The following DACH2 variants were observed in gnomAD, a reference collection of about 807,000 sequenced individuals.
DACH2 encodes the protein dachshund family transcription factor 2, also known as dachshund homolog 2.
Under a neutral mutation model 35.8 loss-of-function variants are expected in DACH2, and 17 were observed. The observed-to-expected ratio is 0.48, with a 90% CI of 0.33 to 0.71. The LOEUF is 0.71. DACH2 is among the 30% of genes least tolerant of loss of function. DACH2 has a pLI of 0.02. For missense variants in DACH2, 469 were observed against 472.7 expected (o/e 0.99, Z 0.07); for synonymous variants, 195 against 177.3 (o/e 1.10, Z -0.79).
At chrX:86,729,489 C>T (rs2041508339) in intron 6 of DACH2, among the ~76,000 whole-genome samples, 3 of 111,597 alleles carry the variant, frequency 2.7e-5, no homozygotes, top group Non-Finnish European at 3.8e-5. Flanking sequence ...CAAACCAAGA[C>T]TTTTGGGGAC....
At chrX:86,592,268 A>C (rs1207300340) in intron 3 of DACH2, among the ~76,000 whole-genome samples, 1 of 111,725 alleles carries the variant, frequency 9.0e-6, no homozygotes, top group Non-Finnish European at 1.9e-5. Flanking sequence ...ATCATTTGTT[A>C]AAAAGATTAT....
intron 6 of DACH2, among the ~76,000 whole-genome samples, chrX:86,720,231 C>G (rs2041388620): frequency 9.0e-6 from 1 of 110,787 alleles, no homozygotes; most frequent in Non-Finnish European, 1.9e-5. Context: ...GCCACTGCAC[C>G]TGGCCTAGTC....
chrX:86,615,087 A>G, intron 3 of DACH2, among the ~76,000 whole-genome samples: 1 of 111,604 alleles, frequency 9.0e-6, no homozygotes, highest in East Asian at 2.8e-4. Flanking sequence ...ACCCACTCTT[A>G]TTAGTCTTTT....
At chrX:86,732,277 C>A (rs776842789) in intron 6 of DACH2, among the ~76,000 whole-genome samples, 52 of 112,114 alleles carry the variant, frequency 4.6e-4, no homozygotes, top group Admixed American at 3.5e-3. Context: ...GCTTATTGTG[C>A]TATTGTCTTC....
chrX:86,567,665 G>A (rs780264841), intron 3 of DACH2, among the ~76,000 whole-genome samples: 1 of 111,514 alleles, frequency 9.0e-6, no homozygotes, highest in African/African-American at 3.2e-5. Context: ...TATTGTAGGT[G>A]TCCGGTAAAT....
chrX:86,458,907 A>G (rs2037520537), intron 2 of DACH2, among the ~76,000 whole-genome samples: 1 of 110,381 alleles, frequency 9.1e-6, no homozygotes, highest in Non-Finnish European at 1.9e-5. Flanking sequence ...ATTAGGAGAA[A>G]TACCTAATGT....
intron 2 of DACH2, among the ~76,000 whole-genome samples, chrX:86,484,028 A>G (rs2037983583): frequency 9.0e-6 from 1 of 111,151 alleles, no homozygotes; most frequent in South Asian, 3.8e-4. Context: ...TTTTTTATTT[A>G]CTCATATGTG....
At chrX:86,231,574 T>C (rs2032949576) in intron 1 of DACH2, among the ~76,000 whole-genome samples, 1 of 111,303 alleles carries the variant, frequency 9.0e-6, no homozygotes, top group African/African-American at 3.3e-5. Context: ...ACCGAAGGCC[T>C]GGTCTCACTC....
chrX:86,553,671 G>T (rs2039079946), intron 3 of DACH2, among the ~76,000 whole-genome samples: 1 of 111,701 alleles, frequency 9.0e-6, no homozygotes, highest in East Asian at 2.8e-4. Context: ...TAGGTAGGTA[G>T]GAAAGTTTTG....
At chrX:86,290,866 A>G (rs1378948208) in intron 1 of DACH2, among the ~76,000 whole-genome samples, 4 of 105,116 alleles carry the variant, frequency 3.8e-5, no homozygotes, top group Admixed American at 3.1e-4. Context: ...TGATGCCTCC[A>G]GCTTTGTTCT....
chrX:86,564,937 T>C (rs1430612267), intron 3 of DACH2, among the ~76,000 whole-genome samples: 1 of 111,418 alleles, frequency 9.0e-6, no homozygotes, highest in Non-Finnish European at 1.9e-5. Flanking sequence ...CTTAGACTGC[T>C]GCACAAATCT....
intron 1 of DACH2, among the ~76,000 whole-genome samples, chrX:86,224,598 G>A (rs941014477): frequency 1.9e-5 from 2 of 106,475 alleles, no homozygotes; most frequent in African/African-American, 3.8e-5. Flanking sequence ...AATCAGGATT[G>A]TTCTTATATT....
At chrX:86,580,191 C>G (rs1283235171) in intron 3 of DACH2, among the ~76,000 whole-genome samples, 1 of 111,570 alleles carries the variant, frequency 9.0e-6, no homozygotes, top group African/African-American at 3.3e-5. Context: ...AAATCAAACC[C>G]CCAAGGGCAT....
intron 6 of DACH2, 59 bp from the exon 7 acceptor site, chrX:86,739,688 A>C: frequency 1.7e-6 from 2 of 1,155,228 alleles, no homozygotes; most frequent in Non-Finnish European, 2.3e-6. Context: ...TAGAGACTCA[A>C]CCAACATAAA....
At chrX:86,601,956 G>A (rs1266905236) in intron 3 of DACH2, among the ~76,000 whole-genome samples, 1 of 111,947 alleles carries the variant, frequency 8.9e-6, no homozygotes, top group African/African-American at 3.2e-5. Flanking sequence ...ATTCAGCTGT[G>A]TAATCATCAC....
Position 86,649,434 on chromosome X carries a change from C to A in DACH2, c.641-1602C>A, listed in dbSNP as rs1050012076. Among the ~76,000 whole-genome samples the A allele has an allele frequency of 4.5e-5, 5 of 110,942 alleles. No homozygotes were observed. In the East Asian group the frequency reaches 1.1e-3, roughly 25 times the overall value. On this transcript the variant is annotated intron_variant, in intron 3 of 11. Transcript: ENST00000373125. ...GGCACCCAGTCATGGTGATCCTAAG[C>A]AATGTCCATTTGTTTAAATCATTGC...
chrX:86,499,544 C>T (rs1179888086), intron 2 of DACH2, among the ~76,000 whole-genome samples: 1 of 111,642 alleles, frequency 9.0e-6, no homozygotes, highest in Non-Finnish European at 1.9e-5. Context: ...TACCCAAGAT[C>T]ACAGATATAA....
intron 1 of DACH2, among the ~76,000 whole-genome samples, chrX:86,257,326 G>A (rs1052491481): frequency 1.8e-5 from 2 of 112,026 alleles, no homozygotes; most frequent in Non-Finnish European, 3.8e-5. Flanking sequence ...GGGGTGTCTT[G>A]ATATTTCCTC....
chrX:86,290,525 A>G (rs1248679233), intron 1 of DACH2, among the ~76,000 whole-genome samples: 2 of 100,156 alleles, frequency 2.0e-5, no homozygotes, highest in African/African-American at 3.7e-5. Context: ...GGTAATGCCT[A>G]GGTTTTCTTC....
Sources: gnomAD v4.1 joint callset for allele counts (sites outside exome capture counted in the v4.1 genomes callset) on GRCh38, gnomAD v4.1.1 for gene constraint, MANE v1.5 for transcripts, NCBI Gene and HGNC (gene_info 2026-07-23, HGNC 2026-07-21) for gene names.